CSRNP2: variants seen among roughly 807,000 people sequenced by gnomAD.
CSRNP2 encodes cysteine and serine rich nuclear protein 2.
Under a neutral mutation model 36.6 loss-of-function variants are expected in CSRNP2, and 11 were observed. The ratio of observed to expected loss-of-function variants is 0.30; its 90% confidence interval spans 0.19 to 0.50. The LOEUF is 0.50. Among genes scored for constraint, CSRNP2 ranks in the 20% least tolerant of loss-of-function variants. CSRNP2 has a pLI of 0.98. For missense variants in CSRNP2, 483 were observed against 691.4 expected (o/e 0.70, Z 3.38); for synonymous variants, 248 against 275.3 (o/e 0.90, Z 0.98).
intron 1 of CSRNP2, among the ~76,000 whole-genome samples, chr12:51,079,139 C>T (rs184288008): frequency 7.9e-5 from 12 of 152,098 alleles, no homozygotes; most frequent in South Asian, 2.1e-4. Flanking sequence ...AACCAAACAC[C>T]GCACGTTCTC....
intron 3 of CSRNP2, among the ~76,000 whole-genome samples, chr12:51,071,920 G>C (rs1012048219): frequency 4.6e-5 from 7 of 152,174 alleles, no homozygotes; most frequent in African/African-American, 1.4e-4. Flanking sequence ...CAGAGGAAAG[G>C]GAAGCCTGAA....
At chr12:51,074,882 G>A (rs1014065167) in intron 2 of CSRNP2, among the ~76,000 whole-genome samples, 3 of 151,850 alleles carry the variant, frequency 2.0e-5, no homozygotes, top group Admixed American at 1.3e-4. Flanking sequence ...CTGGCCTACA[G>A]GATGAAACCC....
At position 51,065,618 on chromosome 12, in the gene CSRNP2, C is replaced by T. The variant is rs557759396; in HGVS notation, c.709-949G>A. Among the ~76,000 whole-genome samples the T allele has an allele frequency of 2.0e-5, 3 of 152,012 alleles. 1 individual carries two copies. The highest frequency in any genetic ancestry group is 4.2e-4 in the South Asian group (2 of 4,812). On this transcript the variant is annotated intron_variant, in intron 4 of 4. Transcript: ENST00000228515. ...GATTACAGGTGTGAGCCACCGCGCC[C>T]GGCCCTAATTTTAAAATTTTTTGTA...
chr12:51,074,208 C>T, intron 2 of CSRNP2, 126 bp from the exon 3 acceptor site: 2 of 1,111,128 alleles, frequency 1.8e-6, no homozygotes, highest in South Asian at 3.3e-5. Context: ...GCCTCCACCT[C>T]CCGGGTTCAA....
At chr12:51,068,643 C>T (rs1014374745) in intron 3 of CSRNP2, among the ~76,000 whole-genome samples, 1 of 152,162 alleles carries the variant, frequency 6.6e-6, no homozygotes, top group African/African-American at 2.4e-5. Flanking sequence ...TATTTCCAGA[C>T]ATGTATCCCC....
At chr12:51,082,891 T>G (rs1592776624) in intron 1 of CSRNP2, 1 of 152,368 alleles carries the variant, frequency 6.6e-6, no homozygotes, top group African/African-American at 2.4e-5. Context: ...TCCCGCTCAT[T>G]CCAATCCTCT....
rs775675839 is a variant in CSRNP2 at position 51,064,307 on chromosome 12, A to G, written c.1071T>C (p.Gly357=). 2.0e-5 allele frequency: 32 copies of G among 1,613,482 alleles called. No individual in the cohort carries two copies. The East Asian group carries it at 7.1e-4, about 36-fold the overall frequency. The part of the protein sequence containing the change: ...ASLDSSIESL[G]VCILEEPLAV... ...CCAGAGGCTCCTCTAGGATGCACAC[A>G]CCCAGGCTCTCGATGCTCGAGTCCA... Residue 357 remains glycine, a synonymous_variant, in exon 5 of 5, where the codon GGT becomes GGC. Transcript: ENST00000228515.
Position 51,063,846 on chromosome 12 carries a change from C to A in CSRNP2, c.1532G>T (p.Arg511Leu). The A allele has an allele frequency of 6.2e-7, 1 of 1,613,842 alleles. No individual in the cohort carries two copies. Among genetic ancestry groups the A allele is most frequent in the East Asian group, 2.2e-5 (1 of 44,880 alleles). ...PSWSPSSLPF[R>L]TDNEEGCGMV... ...CCCACAGCCCTCTTCATTGTCCGTG[C>A]GGAAGGGGAGGCTTGAGGGGGACCA... The change falls in exon 5 of 5, where the codon CGC becomes CTC. Residue 511 changes from arginine (R) to leucine (L), a missense_variant. Coordinates refer to ENST00000228515, the MANE Select transcript of CSRNP2 (RefSeq NM_030809.3).
chr12:51,072,637 CT>C (rs869281266), intron 3 of CSRNP2, among the ~76,000 whole-genome samples: 3 of 11,872 alleles, frequency 2.5e-4, no homozygotes, highest in Non-Finnish European at 8.4e-4. Flanking sequence ...TTCCCAGCCT[CT>C]CTCTCTCGAA....
rs552301278 is a variant in CSRNP2 at position 51,073,672 on chromosome 12, G to C, written c.411+151C>G. On this transcript the variant is annotated intron_variant, in intron 3 of 4. Transcript: ENST00000228515. ...CCTGGGGAGGCCGAGGTTGCAGTGAGCTAATATCATGCCAGTGCACTCCAG... is the reference window on the plus strand; with the variant it reads ...CCTGGGGAGGCCGAGGTTGCAGTGACCTAATATCATGCCAGTGCACTCCAG... 6 of 776,224 alleles carry C rather than the reference G, an allele frequency of 7.7e-6. No homozygotes were observed. In the East Asian group the frequency reaches 1.5e-4, roughly 20 times the overall value. 48.1% of individuals were successfully genotyped at this position (776,224 alleles called of 1,614,324 possible). A position where few individuals can be genotyped will look rare whatever the true frequency, so the allele number is the denominator to read the frequency against.
intron 2 of CSRNP2, 80 bp from the exon 3 acceptor site, chr12:51,074,162 G>C: frequency 2.0e-6 from 3 of 1,465,984 alleles, no homozygotes; most frequent in Non-Finnish European, 2.7e-6. Context: ...CTGTTGCCCA[G>C]GCTGGAGTGC....
At chr12:51,081,905 T>C (rs1014009497) in intron 1 of CSRNP2, among the ~76,000 whole-genome samples, 7 of 152,048 alleles carry the variant, frequency 4.6e-5, no homozygotes, top group African/African-American at 1.7e-4. Flanking sequence ...CAAAATTTTC[T>C]GGAAGAATCT....
At chr12:51,079,053 A>G (rs1166639551) in intron 1 of CSRNP2, among the ~76,000 whole-genome samples, 2 of 152,224 alleles carry the variant, frequency 1.3e-5, no homozygotes, top group Non-Finnish European at 2.9e-5. Context: ...ATAAAAAAGG[A>G]TGAGTTCATG....
intron 4 of CSRNP2, among the ~76,000 whole-genome samples, chr12:51,065,977 G>A (rs545567463): frequency 2.0e-4 from 31 of 152,304 alleles, no homozygotes; most frequent in South Asian, 1.2e-3. Context: ...TCTTAGGGAT[G>A]GTATTGCTGT....
intron 4 of CSRNP2, among the ~76,000 whole-genome samples, chr12:51,066,129 G>A (rs913099320): frequency 1.7e-4 from 26 of 151,932 alleles, no homozygotes; most frequent in African/African-American, 5.8e-4. Flanking sequence ...AGACCTGCCC[G>A]GCCAACATGA....
At chr12:51,071,298 T>C (rs1939145643) in intron 3 of CSRNP2, among the ~76,000 whole-genome samples, 1 of 143,280 alleles carries the variant, frequency 7.0e-6, no homozygotes, top group Admixed American at 7.0e-5. Flanking sequence ...TAACCAAGCA[T>C]GGTGGTGGGT....
At position 51,064,238 on chromosome 12, in the gene CSRNP2, G is replaced by A. The variant is rs752101761; in HGVS notation, c.1140C>T (p.Leu380=). The A allele has an allele frequency of 1.9e-6, 3 of 1,613,504 alleles. No homozygotes were observed. The highest frequency in any genetic ancestry group is 2.5e-6 in the Non-Finnish European group (3 of 1,179,770). Residue 380 remains leucine (L), a synonymous_variant, in exon 5 of 5, where the codon CTC becomes CTT. Transcript: ENST00000228515. ...ELCPGLTAPI[L]IQAQLPPGSS... ...AGCCTGGGGGCAGCTGAGCCTGGAT[G>A]AGAATGGGGGCTGTAAGGCCTGGGC...
chr12:51,072,172 C>G (rs1939187664), intron 3 of CSRNP2, among the ~76,000 whole-genome samples: 1 of 152,116 alleles, frequency 6.6e-6, no homozygotes, highest in African/African-American at 2.4e-5. Flanking sequence ...CAGGCTTAAA[C>G]TGGTGTTCTT....
At position 51,067,094 on chromosome 12, in the gene CSRNP2, G is replaced by C. The variant is rs1938466959; in HGVS notation, c.708+579C>G. Among the ~76,000 whole-genome samples the C allele has an allele frequency of 6.6e-6, 1 of 152,072 alleles. No homozygotes were observed. The highest frequency in any genetic ancestry group is 1.5e-5 in the Non-Finnish European group (1 of 68,000). ...TGCCTGCCTGCCTCGGCCTCCCAAA[G>C]TGCTGGGATTACAGATGTGAGCCAC... is the stretch of plus-strand genomic sequence containing the variant. On this transcript the variant is annotated intron_variant, in intron 4 of 4. Coordinates refer to ENST00000228515, the MANE Select transcript of CSRNP2 (RefSeq NM_030809.3). The surrounding 1 kb of genome is among the most constrained non-coding windows in gnomAD (Gnocchi z 4.1).
Sources: allele counts gnomAD v4.1 joint callset (sites outside exome capture counted in the v4.1 genomes callset), GRCh38; gene constraint gnomAD v4.1.1; non-coding constraint Gnocchi (gnomAD v3.1); transcripts MANE v1.5; gene names NCBI Gene and HGNC (gene_info 2026-07-23, HGNC 2026-07-21).